The following RGS6 variants were observed in gnomAD, a reference collection of about 807,000 sequenced individuals.
RGS6 encodes regulator of G-protein signaling 6.
In RGS6, 30 loss-of-function variants were observed where a neutral mutation model predicts 78.5. The ratio of observed to expected loss-of-function variants is 0.38; its 90% CI spans 0.29 to 0.52. RGS6 has a LOEUF of 0.52. RGS6 is among the 20% of genes least tolerant of loss of function. The pLI is 0.85. For missense variants in RGS6, 495 were observed against 609.7 expected, an observed-to-expected ratio of 0.81 and a Z score of 1.98; for synonymous variants, 206 against 206.0, an observed-to-expected ratio of 1.00 and a Z score of 0.00.
At chr14:72,398,075 T>C (rs1439642990) in intron 3 of RGS6, among the ~76,000 whole-genome samples, 3 of 152,196 alleles carry the variant, frequency 2.0e-5, no homozygotes, top group Non-Finnish European at 4.4e-5. Context: ...TAAAATGAGT[T>C]AGGGAGGATT....
intron 2 of RGS6, among the ~76,000 whole-genome samples, chr14:72,339,985 T>C (rs1026254160): frequency 3.3e-5 from 5 of 152,144 alleles, no homozygotes; most frequent in African/African-American, 1.2e-4. Context: ...TCTTCTTTTT[T>C]AGACTCATTT....
Position 72,510,283 on chromosome 14 carries a change from A to T in RGS6, c.1091+4A>T. 6.2e-7 allele frequency: 1 copy of T among 1,614,160 alleles called. No individual in the cohort carries two copies. The highest frequency in any genetic ancestry group is 8.5e-7 in the Non-Finnish European group (1 of 1,180,020). Reference sequence around the variant, plus strand: ...AATTCAGTTCAGAAAACCTCAGGTAAATCTCTCAAAGTTTGAGCTGTGTGC... The same window carrying T: ...AATTCAGTTCAGAAAACCTCAGGTATATCTCTCAAAGTTTGAGCTGTGTGC... On this transcript the variant is annotated splice_donor_region_variant and intron_variant, in intron 14 of 17. Transcript: ENST00000553525.
intron 2 of RGS6, among the ~76,000 whole-genome samples, chr14:72,252,306 T>A (rs1040183190): frequency 6.6e-6 from 1 of 152,232 alleles, no homozygotes; most frequent in Non-Finnish European, 1.5e-5. Flanking sequence ...ATTCTTTTTA[T>A]CAGTTAGTTT....
At chr14:72,321,975 G>A (rs546115765) in intron 2 of RGS6, among the ~76,000 whole-genome samples, 1 of 151,994 alleles carries the variant, frequency 6.6e-6, no homozygotes, top group African/African-American at 2.4e-5. Flanking sequence ...TAATCACTAT[G>A]AGTCAAAAAG....
At chr14:72,072,272 T>G (rs146673148) in intron 2 of RGS6, among the ~76,000 whole-genome samples, 50 of 152,130 alleles carry the variant, frequency 3.3e-4, no homozygotes, top group African/African-American at 1.2e-3. Context: ...GGGAAGTGGA[T>G]GTAGGTCTAG....
At chr14:72,270,775 C>T (rs151286688) in intron 2 of RGS6, among the ~76,000 whole-genome samples, 5 of 152,274 alleles carry the variant, frequency 3.3e-5, no homozygotes, top group East Asian at 1.9e-4. Flanking sequence ...CTACCTTTCA[C>T]GCAGTTACAC....
chr14:72,386,212 T>C (rs1183230843), intron 3 of RGS6, among the ~76,000 whole-genome samples: 3 of 152,172 alleles, frequency 2.0e-5, no homozygotes, highest in African/African-American at 7.2e-5. Flanking sequence ...TGAAAATATT[T>C]ACAAAATCAT....
intron 12 of RGS6, among the ~76,000 whole-genome samples, chr14:72,482,705 A>G (rs1400498476): frequency 2.0e-5 from 3 of 152,136 alleles, no homozygotes; most frequent in Non-Finnish European, 1.5e-5. Flanking sequence ...CCACATGGGG[A>G]TAGTGGGATT....
intron 3 of RGS6, among the ~76,000 whole-genome samples, chr14:72,428,246 A>T (rs1454089825): frequency 2.6e-5 from 4 of 152,192 alleles, no homozygotes; most frequent in Non-Finnish European, 5.9e-5. Flanking sequence ...CTCACCAAGG[A>T]TGAGGGGGAA....
At chr14:71,998,264 C>G (rs1408295427) in intron 2 of RGS6, among the ~76,000 whole-genome samples, 1 of 152,188 alleles carries the variant, frequency 6.6e-6, no homozygotes, top group Non-Finnish European at 1.5e-5. Flanking sequence ...AGATATGCAT[C>G]TATCTGAGTG....
intron 2 of RGS6, among the ~76,000 whole-genome samples, chr14:72,106,981 T>C (rs1162330038): frequency 1.3e-5 from 2 of 152,180 alleles, no homozygotes; most frequent in African/African-American, 4.8e-5. Flanking sequence ...GTTCTCACTG[T>C]ATTTTGATGT....
chr14:72,148,788 C>G (rs2096642882), intron 2 of RGS6, among the ~76,000 whole-genome samples: 2 of 152,156 alleles, frequency 1.3e-5, no homozygotes, highest in South Asian at 4.1e-4. Flanking sequence ...TTGACTTTTA[C>G]TTTGGACAGG....
chr14:72,530,703 G>A (rs749927163), intron 15 of RGS6, among the ~76,000 whole-genome samples: 15 of 152,064 alleles, frequency 9.9e-5, no homozygotes, highest in Non-Finnish European at 1.9e-4. Flanking sequence ...AAAAGAAAAT[G>A]TTAGAACAAT....
At chr14:72,298,576 T>C (rs2152387828) in intron 2 of RGS6, among the ~76,000 whole-genome samples, 1 of 151,386 alleles carries the variant, frequency 6.6e-6, no homozygotes, top group African/African-American at 2.4e-5. Context: ...GCCTCCCGAG[T>C]AGCTGGGACT....
At chr14:71,972,706 T>G (rs997427451) in intron 2 of RGS6, among the ~76,000 whole-genome samples, 4 of 152,042 alleles carry the variant, frequency 2.6e-5, no homozygotes, top group Admixed American at 2.0e-4. Context: ...GAGGACAGTT[T>G]AGAGATTGAA....
intron 2 of RGS6, chr14:71,990,814 C>G (rs2094925648): frequency 6.6e-6 from 3 of 455,936 alleles, no homozygotes; most frequent in Non-Finnish European, 8.8e-6. Flanking sequence ...TTTGAATCTT[C>G]CTCACTTACC....
the RGS6 span, among the ~76,000 whole-genome samples, chr14:72,584,614 G>A: frequency 6.6e-6 from 1 of 152,200 alleles, no homozygotes; most frequent in African/African-American, 2.4e-5. Flanking sequence ...AGTTGGGGAT[G>A]GCAGCATCCT....
At chr14:72,373,785 T>C (rs1259496078) in intron 3 of RGS6, among the ~76,000 whole-genome samples, 1 of 152,142 alleles carries the variant, frequency 6.6e-6, no homozygotes, top group Non-Finnish European at 1.5e-5. Context: ...CTAAACCCCA[T>C]GTGGCCCAAA....
chr14:72,215,013 A>G (rs1022666554), intron 2 of RGS6, among the ~76,000 whole-genome samples: 5 of 152,186 alleles, frequency 3.3e-5, no homozygotes, highest in African/African-American at 1.2e-4. Flanking sequence ...TTTCTGGTCT[A>G]TGACTGTCAT....
Sources: gnomAD v4.1 joint callset for allele counts (sites outside exome capture counted in the v4.1 genomes callset) on GRCh38, gnomAD v4.1.1 for gene constraint, MANE v1.5 for transcripts, NCBI Gene and HGNC (gene_info 2026-07-23, HGNC 2026-07-21) for gene names.